The following MAPK4 variants were observed in gnomAD, a reference collection of about 807,000 sequenced individuals.
MAPK4 encodes Erk3-related.
A neutral mutation model predicts 47.7 loss-of-function variants in MAPK4; 22 were observed. That is an observed-to-expected ratio of 0.46 (90% CI 0.33 to 0.66). The LOEUF is 0.66. Ranked by LOEUF, MAPK4 falls within the 30% of genes least tolerant of loss-of-function variation. The pLI, the probability that MAPK4 is intolerant of heterozygous loss-of-function variation, is 0.02. For synonymous variants in MAPK4, 390 were observed against 365.7 expected (o/e 1.07, Z -0.76); for missense variants, 736 against 831.7 (o/e 0.88, Z 1.42).
intron 1 of MAPK4, among the ~76,000 whole-genome samples, chr18:50,639,723 T>C (rs555787822): frequency 2.5e-4 from 38 of 152,314 alleles, no homozygotes; most frequent in African/African-American, 9.1e-4. Context: ...TTTTCAAACA[T>C]AACTTTTCTT....
chr18:50,712,248 G>A (rs182946397), intron 2 of MAPK4, among the ~76,000 whole-genome samples: 8 of 152,190 alleles, frequency 5.3e-5, no homozygotes, highest in East Asian at 3.9e-4. Context: ...GCAACATGAC[G>A]AAACCCCATC....
At chr18:50,561,544 T>C (rs2042153467) in intron 1 of MAPK4, among the ~76,000 whole-genome samples, 1 of 152,240 alleles carries the variant, frequency 6.6e-6, no homozygotes, top group African/African-American at 2.4e-5. Flanking sequence ...TATTGTAATA[T>C]GTATTTACTG....
chr18:50,695,466 C>G (rs948139240), intron 2 of MAPK4, among the ~76,000 whole-genome samples: 1 of 152,002 alleles, frequency 6.6e-6, no homozygotes, highest in African/African-American at 2.4e-5. Context: ...CCTTTCCATT[C>G]CTACCTTTCT....
intron 3 of MAPK4, among the ~76,000 whole-genome samples, chr18:50,720,615 A>G (rs943746108): frequency 6.6e-6 from 1 of 152,044 alleles, no homozygotes; most frequent in Admixed American, 6.6e-5. Flanking sequence ...AAGGTTGTGT[A>G]TTACTAGTTT....
intron 1 of MAPK4, among the ~76,000 whole-genome samples, chr18:50,642,369 AATTGATC>A (rs912973728): frequency 1.8e-4 from 28 of 152,344 alleles, no homozygotes; most frequent in Admixed American, 5.9e-4. Context: ...GTGATGGTTC[AATTGATC>A]ATTCTAAATT....
In MAPK4 at chr18:50,686,234, C is replaced by T. The variant is rs181582813; in HGVS notation, c.546+21730C>T. ...CACACTTCTGCCTATAGCCTTGCAC[C>T]GTAGTGAACTAAAATTCAGAAAGAC... is the stretch of plus-strand genomic sequence containing the variant. On this transcript the variant is annotated intron_variant, in intron 2 of 5. Coordinates refer to ENST00000400384, the MANE Select transcript of MAPK4 (RefSeq NM_002747.4). Among the ~76,000 whole-genome samples, 21 of 152,262 alleles carry T rather than the reference C, an allele frequency of 1.4e-4. 1 individual carries two copies. The highest frequency in any genetic ancestry group is 1.2e-3 in the Admixed American group (18 of 15,296).
intron 1 of MAPK4, among the ~76,000 whole-genome samples, chr18:50,638,793 C>T (rs2144175084): frequency 1.3e-5 from 2 of 152,306 alleles, no homozygotes; most frequent in East Asian, 3.9e-4. Context: ...GGACTGGCTG[C>T]TCCCTGCCAG....
At chr18:50,666,399 A>C (rs867754653) in intron 2 of MAPK4, among the ~76,000 whole-genome samples, 13 of 152,224 alleles carry the variant, frequency 8.5e-5, no homozygotes, top group South Asian at 2.1e-4. Flanking sequence ...GCTTATGGTT[A>C]AGAATCAAAA....
rs1468378451 is a variant in MAPK4 at position 50,729,707 on chromosome 18, G to A, written c.1617G>A (p.Leu539=). The A allele has an allele frequency of 6.4e-7, 1 of 1,573,152 alleles. No homozygotes were observed. The highest frequency in any genetic ancestry group is 8.6e-7 in the Non-Finnish European group (1 of 1,160,534). The change falls in exon 6 of 6, where the codon CTG becomes CTA. Residue 539 remains leucine, a synonymous_variant. Coordinates refer to ENST00000400384, the MANE Select transcript of MAPK4 (RefSeq NM_002747.4). ...GCGGCGCCAGCCCCCAGTTCGACCT[G>A]GACGTGTTCATCTCCCGCGCCCTGA... The part of the protein sequence containing the change: ...VDGGASPQFD[L]DVFISRALKL...
intron 2 of MAPK4, among the ~76,000 whole-genome samples, chr18:50,688,997 G>A (rs983407055): frequency 6.6e-6 from 1 of 151,786 alleles, no homozygotes; most frequent in Non-Finnish European, 1.5e-5. Context: ...GGTGGCTCAC[G>A]CCTGTAATCC....
chr18:50,689,689 C>T (rs532578499), intron 2 of MAPK4, among the ~76,000 whole-genome samples: 207 of 152,294 alleles, frequency 1.4e-3, no homozygotes, highest in Non-Finnish European at 2.6e-3. Flanking sequence ...AGTTCAAGAC[C>T]AGCCTCGGTT....
At chr18:50,630,719 T>A (rs1052783065) in intron 1 of MAPK4, among the ~76,000 whole-genome samples, 1 of 152,140 alleles carries the variant, frequency 6.6e-6, no homozygotes, top group African/African-American at 2.4e-5. Context: ...TAGGATTAGC[T>A]CCTCATCCTA....
intron 1 of MAPK4, among the ~76,000 whole-genome samples, chr18:50,647,762 G>A (rs1487474955): frequency 1.3e-5 from 2 of 152,034 alleles, no homozygotes; most frequent in African/African-American, 4.8e-5. Context: ...TAGTCTGTGA[G>A]CCCAGCCTGG....
intron 1 of MAPK4, among the ~76,000 whole-genome samples, chr18:50,618,811 A>T (rs972642152): frequency 6.6e-6 from 1 of 152,164 alleles, no homozygotes; most frequent in Non-Finnish European, 1.5e-5. Flanking sequence ...CAGGTGTTTG[A>T]AAGGATGGAT....
intron 1 of MAPK4, among the ~76,000 whole-genome samples, chr18:50,652,391 A>G (rs1050073000): frequency 6.6e-6 from 1 of 152,182 alleles, no homozygotes; most frequent in Non-Finnish European, 1.5e-5. Flanking sequence ...AGCCATGCCT[A>G]TGTGTCAGCT....
intron 1 of MAPK4, among the ~76,000 whole-genome samples, chr18:50,561,431 T>C (rs2042152438): frequency 6.6e-6 from 1 of 152,198 alleles, no homozygotes; most frequent in African/African-American, 2.4e-5. Context: ...AATGGATATG[T>C]ATTGAGCACC....
chr18:50,618,313 A>G (rs573552310), intron 1 of MAPK4, among the ~76,000 whole-genome samples: 1 of 152,202 alleles, frequency 6.6e-6, no homozygotes, highest in South Asian at 2.1e-4. Context: ...GTTCACCCAA[A>G]CTAGTTACTA....
chr18:50,655,041 C>A (rs762667533), intron 1 of MAPK4, among the ~76,000 whole-genome samples: 2 of 152,246 alleles, frequency 1.3e-5, no homozygotes, highest in African/African-American at 2.4e-5. Context: ...TTTCCTCTAA[C>A]CACCCCACCT....
At position 50,663,983 on chromosome 18, in the gene MAPK4, G is replaced by T; in HGVS notation, c.25G>T (p.Ala9Ser). 1.2e-6 allele frequency: 2 copies of T among 1,613,002 alleles called. No individual in the cohort carries two copies. Among genetic ancestry groups the T allele is most frequent in the Non-Finnish European group, 8.5e-7 (1 of 1,179,448 alleles). ...AATGGCTGAGAAGGGTGACTGCATC[G>T]CCAGTGTCTATGGGTATGACCTCGG... MAEKGDCI[A>S]SVYGYDLGGR... is the part of the protein sequence containing the mutation. The change falls in exon 2 of 6, where the codon GCC becomes TCC. Residue 9 changes from alanine to serine, a missense_variant. Ala to Ser is a moderately conservative substitution (Grantham distance 99, BLOSUM62 1). Around this residue, in one of 3 missense-constraint regions of MAPK4, gnomAD observed 327 missense variants for 395.4 expected, o/e 0.83. Transcript: ENST00000400384.
Sources: gnomAD v4.1 joint callset for allele counts (sites outside exome capture counted in the v4.1 genomes callset) on GRCh38, gnomAD v4.1.1 for gene constraint, gnomAD v4.1.1 regional missense constraint, MANE v1.5 for transcripts, NCBI Gene and HGNC (gene_info 2026-07-23, HGNC 2026-07-21) for gene names.